The following CAMTA1 variants were observed in gnomAD, a reference collection of about 807,000 sequenced individuals.
The protein encoded by CAMTA1 is calmodulin binding transcription activator 1, also known as calmodulin-binding transcription activator 1.
In CAMTA1, 27 loss-of-function variants were observed where a neutral mutation model predicts 170.9. That is an observed-to-expected ratio of 0.16 (90% CI 0.12 to 0.22). The LOEUF (loss-of-function observed/expected upper bound fraction) is 0.22, where lower values mean the gene tolerates loss of function less well. Ranked by LOEUF, CAMTA1 falls within the 10% of genes least tolerant of loss-of-function variation. The pLI is 1.00. For missense variants in CAMTA1, 1,619 were observed against 2,217.2 expected (o/e 0.73, Z 5.42); for synonymous variants, 833 against 891.5 (o/e 0.93, Z 1.17).
intron 4 of CAMTA1, among the ~76,000 whole-genome samples, chr1:7,198,052 T>C (rs1303508129): frequency 6.6e-6 from 1 of 152,104 alleles, no homozygotes; most frequent in Non-Finnish European, 1.5e-5. Flanking sequence ...ACATGGACAT[T>C]TCTTGTGACC....
chr1:7,294,017 C>A (rs190878612), intron 5 of CAMTA1, among the ~76,000 whole-genome samples: 1 of 152,214 alleles, frequency 6.6e-6, no homozygotes. Context: ...GTGTCCAAAG[C>A]CCAGAATAAT....
Position 6,907,348 on chromosome 1 carries a change from G to A in CAMTA1, c.234+82138G>A, listed in dbSNP as rs527376013. 2.0e-5 allele frequency among the ~76,000 whole-genome samples: 3 copies of A among 152,272 alleles called. No homozygotes were observed. The East Asian group carries it at 5.8e-4, about 29-fold the overall frequency. ...CATGGCAAACGAACTTGCAGTCTCA[G>A]CAGCAGCTCTCCCGGCGCCCCCTCC... is the stretch of plus-strand genomic sequence containing the variant. On this transcript the variant is annotated intron_variant, in intron 3 of 22. Transcript: ENST00000303635.
chr1:7,284,218 T>TATTATTA (rs1370914213), intron 5 of CAMTA1, among the ~76,000 whole-genome samples: 1 of 146,814 alleles, frequency 6.8e-6, no homozygotes, highest in Non-Finnish European at 1.5e-5. Context: ...TTATTATTAT[T>TATTATTA]TCTGAGAAGG....
At position 7,248,807 on chromosome 1, in the gene CAMTA1, G is replaced by C. The variant is rs1666217942; in HGVS notation, c.303-684G>C. On this transcript the variant is annotated intron_variant, in intron 4 of 22. Coordinates refer to ENST00000303635, the MANE Select transcript of CAMTA1 (RefSeq NM_015215.4). This position sits in a 1 kb window ranked among gnomAD's most constrained non-coding sequence, Gnocchi z 4.0. ...ACTCTTAGCATTTAGGGAGCAAGCC[G>C]CTATTTCCCTGAGATGCTCTGGCTG... Among the ~76,000 whole-genome samples, 2 of 152,112 alleles carry C rather than the reference G, an allele frequency of 1.3e-5. No homozygotes were observed. Among genetic ancestry groups the C allele is most frequent in the Admixed American group, 1.3e-4 (2 of 15,268 alleles).
intron 5 of CAMTA1, among the ~76,000 whole-genome samples, chr1:7,414,090 C>T (rs1471602180): frequency 6.6e-6 from 1 of 152,224 alleles, no homozygotes; most frequent in African/African-American, 2.4e-5. Flanking sequence ...ACCAGCCTTG[C>T]ATCCCAGGGA....
At chr1:7,322,217 C>T (rs138223036) in intron 5 of CAMTA1, among the ~76,000 whole-genome samples, 64 of 152,312 alleles carry the variant, frequency 4.2e-4, no homozygotes, top group Non-Finnish European at 5.3e-4. Flanking sequence ...GCTACTTGAT[C>T]GGTTAGATCC....
chr1:7,689,096 T>C (rs547792190), intron 11 of CAMTA1, among the ~76,000 whole-genome samples: 1 of 151,356 alleles, frequency 6.6e-6, no homozygotes, highest in African/African-American at 2.4e-5. Flanking sequence ...ACCCCCTCTC[T>C]ACCAAAAATA....
At chr1:6,903,951 ACT>A in intron 3 of CAMTA1, among the ~76,000 whole-genome samples, 1 of 152,078 alleles carries the variant, frequency 6.6e-6, no homozygotes, top group South Asian at 2.1e-4. Flanking sequence ...TATCATTACC[ACT>A]CTGTTGACGA....
chr1:7,707,846 T>C (rs185621001), intron 11 of CAMTA1, among the ~76,000 whole-genome samples: 5 of 152,348 alleles, frequency 3.3e-5, no homozygotes, highest in Non-Finnish European at 4.4e-5. Context: ...TCTTCTCCTC[T>C]TCTTGAGTGA....
intron 3 of CAMTA1, among the ~76,000 whole-genome samples, chr1:6,848,692 T>C (rs1220354596): frequency 6.6e-6 from 1 of 152,224 alleles, no homozygotes; most frequent in African/African-American, 2.4e-5. Context: ...TTCTCTACTC[T>C]GTTAGGTTCA....
rs1218622130 is a variant in CAMTA1 at position 7,655,390 on chromosome 1, GCA to G, written c.665-6331_665-6330del. Among the ~76,000 whole-genome samples the G allele has an allele frequency of 1.2e-3, 137 of 114,274 alleles. 4 individuals carry two copies. The highest frequency in any genetic ancestry group is 4.4e-3 in the African/African-American group (127 of 28,658). The allele number at this position is 114,274 out of a possible 152,430, so 75.0% of individuals were successfully genotyped here. On this transcript the variant is annotated intron_variant, in intron 7 of 22. Transcript: ENST00000303635. ...CACCCACCTATACACACACACGTATGCACACAAATACACCCACCTATACACAC... is the reference window on the plus strand; with the variant it reads ...CACCCACCTATACACACACACGTATGCACAAATACACCCACCTATACACAC...
rs368458285 is a variant in CAMTA1 at position 7,392,870 on chromosome 1, G to GATCAATCA, written c.439-74940_439-74933dup. ...GCCTGGACGACAGAGACTCTGTCTC[G>GATCAATCA]ATCAATCAATCAATCAATCAATCAA... On this transcript the variant is annotated intron_variant, in intron 5 of 22. Transcript: ENST00000303635. Among the ~76,000 whole-genome samples, 9 of 150,938 alleles carry GATCAATCA rather than the reference G, an allele frequency of 6.0e-5. 1 individual carries two copies. The highest frequency in any genetic ancestry group is 1.2e-4 in the African/African-American group (5 of 41,030).
intron 11 of CAMTA1, among the ~76,000 whole-genome samples, chr1:7,717,543 T>C (rs12562445): frequency 0.17 from 26,130 of 151,752 alleles, 2,381 homozygotes; most frequent in East Asian, 0.23. Context: ...CCCAGGAGTT[T>C]GAGATTAGCC....
intron 5 of CAMTA1, among the ~76,000 whole-genome samples, chr1:7,340,988 C>T (rs2083787792): frequency 6.6e-6 from 1 of 152,198 alleles, no homozygotes; most frequent in East Asian, 1.9e-4. Context: ...AAGGAAGTAG[C>T]CTGGGCTGGC....
intron 5 of CAMTA1, among the ~76,000 whole-genome samples, chr1:7,386,899 G>T (rs1477889801): frequency 6.6e-6 from 1 of 152,188 alleles, no homozygotes; most frequent in Non-Finnish European, 1.5e-5. Flanking sequence ...TCTCACGGCA[G>T]TCTCCGCTGG....
At chr1:7,371,601 T>G (rs17030757) in intron 5 of CAMTA1, among the ~76,000 whole-genome samples, 10,771 of 152,270 alleles carry the variant, frequency 0.071, 1,136 homozygotes, top group African/African-American at 0.23. Context: ...TTTCAGAGTT[T>G]CCTGGCCGTC....
chr1:7,398,423 T>TTGCATGGAATATCATTTTCCATC (rs1557652500), intron 5 of CAMTA1, among the ~76,000 whole-genome samples: 24 of 151,772 alleles, frequency 1.6e-4, no homozygotes, highest in East Asian at 1.2e-3. Flanking sequence ...TATTTTCCAT[T>TTGCATGGAATATCATTTTCCATC]TGCATGGAAT....
rs536940203 is a variant in CAMTA1 at position 7,724,657 on chromosome 1, T to C, written c.2915-7791T>C. 1.5e-4 allele frequency among the ~76,000 whole-genome samples: 23 copies of C among 151,646 alleles called. 1 individual carries two copies. In the South Asian group the frequency reaches 3.1e-3, roughly 21 times the overall value. ...ACCATCCTGGCTAACATGGTGAAAC[T>C]CCATCAATACAAAAAATTAGCCAGG... On this transcript the variant is annotated intron_variant, in intron 11 of 22. Coordinates refer to ENST00000303635, the MANE Select transcript of CAMTA1 (RefSeq NM_015215.4).
At chr1:7,197,697 C>G (rs796913426) in intron 4 of CAMTA1, among the ~76,000 whole-genome samples, 7 of 147,632 alleles carry the variant, frequency 4.7e-5, no homozygotes, top group African/African-American at 1.7e-4. Context: ...GCTTATTTAT[C>G]TGCTCATTTC....
Sources: allele counts gnomAD v4.1 joint callset (sites outside exome capture counted in the v4.1 genomes callset), GRCh38; gene constraint gnomAD v4.1.1; non-coding constraint Gnocchi (gnomAD v3.1); transcripts MANE v1.5; gene names NCBI Gene and HGNC (gene_info 2026-07-23, HGNC 2026-07-21).